SLC35F1: variants seen among roughly 807,000 people sequenced by gnomAD.
SLC35F1 encodes the protein chromosome 6 open reading frame 169.
In SLC35F1, 14 loss-of-function variants were observed where a neutral mutation model predicts 48.7. That is an observed-to-expected ratio of 0.29 (90% CI 0.19 to 0.45). The LOEUF is 0.45. SLC35F1 is among the 20% of genes least tolerant of loss of function. The pLI, the probability that SLC35F1 is intolerant of heterozygous loss-of-function variation, is 1.00. For missense variants in SLC35F1, 404 were observed against 500.0 expected (o/e 0.81, Z 1.83); for synonymous variants, 190 against 202.2 (o/e 0.94, Z 0.51).
intron 1 of SLC35F1, among the ~76,000 whole-genome samples, chr6:117,937,185 C>T (rs887248458): frequency 6.6e-5 from 10 of 152,136 alleles, no homozygotes; most frequent in Non-Finnish European, 1.0e-4. Flanking sequence ...AATAACTCTT[C>T]GACTCCAAAT....
At chr6:117,925,650 A>G (rs1173906853) in intron 1 of SLC35F1, among the ~76,000 whole-genome samples, 1 of 152,158 alleles carries the variant, frequency 6.6e-6, no homozygotes, top group African/African-American at 2.4e-5. Flanking sequence ...TGACCTTTGA[A>G]TACAGTTCAG....
chr6:118,309,193 GT>G (rs1776345337), intron 7 of SLC35F1, among the ~76,000 whole-genome samples: 1 of 151,630 alleles, frequency 6.6e-6, no homozygotes, highest in African/African-American at 2.4e-5. Flanking sequence ...GTGTGTGTGT[GT>G]GTGTGTGTGC....
intron 2 of SLC35F1, among the ~76,000 whole-genome samples, chr6:118,200,159 TATACATACATACATACATAC>T (rs71012386): frequency 5.4e-5 from 8 of 147,296 alleles, no homozygotes; most frequent in African/African-American, 1.3e-4. Flanking sequence ...TACATACATA[TATACATACATACATACATAC>T]ATACATACAT....
intron 1 of SLC35F1, among the ~76,000 whole-genome samples, chr6:118,068,596 T>G (rs1772652367): frequency 6.6e-6 from 1 of 152,180 alleles, no homozygotes; most frequent in South Asian, 2.1e-4. Flanking sequence ...TGCCACTTCT[T>G]AGTGGAAGAA....
intron 1 of SLC35F1, among the ~76,000 whole-genome samples, chr6:118,104,724 G>T (rs564479728): frequency 6.6e-6 from 1 of 152,214 alleles, no homozygotes; most frequent in African/African-American, 2.4e-5. Flanking sequence ...CAATGCTTTG[G>T]ACCGGAGAAT....
At chr6:118,039,641 T>A (rs892171821) in intron 1 of SLC35F1, among the ~76,000 whole-genome samples, 59 of 152,072 alleles carry the variant, frequency 3.9e-4, no homozygotes, top group African/African-American at 1.1e-3. Context: ...AGTCTTTTTT[T>A]AAAAAATTGC....
intron 2 of SLC35F1, among the ~76,000 whole-genome samples, chr6:118,164,623 T>C (rs904093255): frequency 6.6e-6 from 1 of 152,186 alleles, no homozygotes; most frequent in Non-Finnish European, 1.5e-5. Context: ...GTGTGAGGCA[T>C]ACAGAAAACA....
At chr6:117,927,701 T>G (rs1203295639) in intron 1 of SLC35F1, among the ~76,000 whole-genome samples, 1 of 152,160 alleles carries the variant, frequency 6.6e-6, no homozygotes, top group Admixed American at 6.5e-5. Flanking sequence ...GATATTGTAG[T>G]CAACAAATAT....
intron 2 of SLC35F1, among the ~76,000 whole-genome samples, chr6:118,183,517 A>G (rs1267927893): frequency 6.6e-6 from 1 of 152,068 alleles, no homozygotes; most frequent in African/African-American, 2.4e-5. Flanking sequence ...TAAATTAAAA[A>G]AAAAGAAATT....
intron 1 of SLC35F1, among the ~76,000 whole-genome samples, chr6:118,128,846 GAAAAT>G (rs1773669130): frequency 1.3e-5 from 2 of 151,828 alleles, no homozygotes; most frequent in African/African-American, 4.8e-5. Context: ...TAAAAGAAAA[GAAAAT>G]AACCTGCCAT....
chr6:118,071,063 C>CGTGTATATATATACACATA (rs1562280960), intron 1 of SLC35F1, among the ~76,000 whole-genome samples: 1 of 560 alleles, frequency 1.8e-3, no homozygotes, highest in African/African-American at 0.012. Flanking sequence ...ATATATTCTA[C>CGTGTATATATATACACATA]GTATATATAC....
At position 117,978,420 on chromosome 6, in the gene SLC35F1, G is replaced by C. The variant is rs184063391; in HGVS notation, c.173+70521G>C. The stretch of plus-strand genomic sequence containing the variant: ...TGTTTTTCTTCAGGCTGGATTAGTC[G>C]TTCCCTTTTTTGTGGACACCAACAC... On this transcript the variant is annotated intron_variant, in intron 1 of 7. Coordinates refer to ENST00000360388, the MANE Select transcript of SLC35F1 (RefSeq NM_001029858.4). Among the ~76,000 whole-genome samples the C allele has an allele frequency of 4.4e-3, 668 of 152,072 alleles. 3 individuals carry two copies. Among genetic ancestry groups the C allele is most frequent in the Non-Finnish European group, 5.9e-3 (399 of 67,994 alleles).
chr6:118,045,695 A>C (rs1037784327), intron 1 of SLC35F1, among the ~76,000 whole-genome samples: 1 of 152,166 alleles, frequency 6.6e-6, no homozygotes, highest in Admixed American at 6.6e-5. Flanking sequence ...ATCAAAATGC[A>C]CAGGCCTACC....
chr6:118,215,600 G>C (rs1775061547), intron 2 of SLC35F1, among the ~76,000 whole-genome samples: 1 of 152,194 alleles, frequency 6.6e-6, no homozygotes. Flanking sequence ...ATGATGGACA[G>C]AGAGGTGAGG....
chr6:118,288,011 GTTT>G (rs55797932), intron 7 of SLC35F1, among the ~76,000 whole-genome samples: 1 of 145,352 alleles, frequency 6.9e-6, no homozygotes, highest in Non-Finnish European at 1.5e-5. Flanking sequence ...AATGATTTGG[GTTT>G]TTTTTTTTTT....
intron 1 of SLC35F1, among the ~76,000 whole-genome samples, chr6:117,986,223 C>T (rs1168119374): frequency 1.3e-5 from 2 of 152,162 alleles, no homozygotes; most frequent in Non-Finnish European, 2.9e-5. Context: ...GATCAGATGG[C>T]TGCTCTGGGG....
chr6:117,925,497 T>C (rs1165972434), intron 1 of SLC35F1, among the ~76,000 whole-genome samples: 1 of 152,210 alleles, frequency 6.6e-6, no homozygotes, highest in Non-Finnish European at 1.5e-5. Flanking sequence ...TGCTACATGC[T>C]TGAAGCTTGC....
intron 1 of SLC35F1, among the ~76,000 whole-genome samples, chr6:117,997,946 G>T (rs1777021293): frequency 1.3e-5 from 2 of 151,490 alleles, no homozygotes. Flanking sequence ...AATGTAAATG[G>T]ACTAAATGCT....
intron 1 of SLC35F1, among the ~76,000 whole-genome samples, chr6:117,948,472 G>A (rs1384535473): frequency 2.6e-5 from 4 of 151,998 alleles, no homozygotes; most frequent in African/African-American, 7.2e-5. Context: ...TTTTCTTCTG[G>A]TGCTTGAGTT....
Sources: allele counts gnomAD v4.1 joint callset (sites outside exome capture counted in the v4.1 genomes callset), GRCh38; gene constraint gnomAD v4.1.1; transcripts MANE v1.5; gene names NCBI Gene and HGNC (gene_info 2026-07-23, HGNC 2026-07-21).